The following THSD7B variants were observed in gnomAD, a reference collection of about 807,000 sequenced individuals.
The protein encoded by THSD7B is thrombospondin type 1 domain containing 7B, also known as thrombospondin type-1 domain-containing protein 7B.
Under a neutral mutation model 213.6 loss-of-function variants are expected in THSD7B, and 138 were observed. That is an observed-to-expected ratio of 0.65 (90% CI 0.56 to 0.74). The LOEUF is 0.74. Among genes scored for constraint, THSD7B ranks in the 30% least tolerant of loss-of-function variants. The pLI is 0.00. For synonymous variants in THSD7B, 742 were observed against 687.0 expected, an observed-to-expected ratio of 1.08 and a Z score of -1.25; for missense variants, 1,931 against 1,991.5, an observed-to-expected ratio of 0.97 and a Z score of 0.58.
At chr2:137,308,606 A>AT (rs920827011) in intron 12 of THSD7B, among the ~76,000 whole-genome samples, 3 of 151,988 alleles carry the variant, frequency 2.0e-5, no homozygotes, top group East Asian at 1.9e-4. Context: ...TGTTTATATA[A>AT]TTTTTTTCTG....
intron 12 of THSD7B, among the ~76,000 whole-genome samples, chr2:137,398,194 C>T (rs1686245290): frequency 4.0e-5 from 6 of 150,386 alleles, no homozygotes; most frequent in Admixed American, 4.0e-4. Flanking sequence ...CAGCTTTGTT[C>T]CGTTGCTGGT....
intron 2 of THSD7B, among the ~76,000 whole-genome samples, chr2:137,015,987 AAAAC>A (rs1686332389): frequency 6.6e-6 from 1 of 152,206 alleles, no homozygotes; most frequent in Non-Finnish European, 1.5e-5. Context: ...AGTGAATGGT[AAAAC>A]AGAATAATTC....
intron 3 of THSD7B, among the ~76,000 whole-genome samples, chr2:137,083,692 C>A (rs944005702): frequency 2.0e-5 from 3 of 152,064 alleles, no homozygotes; most frequent in African/African-American, 7.2e-5. Context: ...CATTTCTCTT[C>A]ATTTTTCCAT....
chr2:137,557,974 A>G (rs2105216566), intron 15 of THSD7B, among the ~76,000 whole-genome samples: 1 of 152,344 alleles, frequency 6.6e-6, no homozygotes, highest in East Asian at 1.9e-4. Flanking sequence ...AGAAATGGAT[A>G]AATTCCTGGA....
rs147419647 is a variant in THSD7B, at chr2:137,272,878, G to T, written c.2396+216G>T. 1.5e-3 allele frequency among the ~76,000 whole-genome samples: 227 copies of T among 152,056 alleles called. 2 individuals carry two copies. In the South Asian group the frequency reaches 0.018, roughly 12 times the overall value. ...AATTAACAGGGGGAAAAGGAAGCAC[G>T]TTTGACTGTAAGTGAGCTGCTTGAC... On this transcript the variant is annotated intron_variant, in intron 11 of 27. Coordinates refer to ENST00000409968, the MANE Select transcript of THSD7B (RefSeq NM_001316349.2).
At chr2:137,267,140 A>G (rs2105089080) in intron 10 of THSD7B, among the ~76,000 whole-genome samples, 1 of 152,312 alleles carries the variant, frequency 6.6e-6, no homozygotes, top group Non-Finnish European at 1.5e-5. Context: ...TATGTTTCTT[A>G]ATCTTTAAGT....
intron 21 of THSD7B, among the ~76,000 whole-genome samples, chr2:137,648,686 A>C (rs917336580): frequency 6.6e-6 from 1 of 152,166 alleles, no homozygotes; most frequent in African/African-American, 2.4e-5. Context: ...TGCAATAAAC[A>C]TGGCAGTGCA....
intron 7 of THSD7B, among the ~76,000 whole-genome samples, chr2:137,221,513 A>G (rs1244261553): frequency 6.6e-6 from 1 of 152,224 alleles, no homozygotes; most frequent in Non-Finnish European, 1.5e-5. Context: ...GATGATAAAT[A>G]ATGGAAAAAA....
chr2:137,515,884 G>A (rs1169616609), intron 15 of THSD7B, among the ~76,000 whole-genome samples: 5 of 152,150 alleles, frequency 3.3e-5, no homozygotes, highest in Admixed American at 6.5e-5. Flanking sequence ...ATCGCAGCTG[G>A]GAGAGTCCAG....
chr2:137,238,281 C>T (rs1177264674), intron 9 of THSD7B, among the ~76,000 whole-genome samples: 8 of 152,232 alleles, frequency 5.3e-5, no homozygotes, highest in South Asian at 4.2e-4. Context: ...GTATGGGAAC[C>T]CTTGTGACTC....
At chr2:136,781,267 A>ATT (rs10687137) in intron 1 of THSD7B, among the ~76,000 whole-genome samples, 27,979 of 125,666 alleles carry the variant, frequency 0.22, 3,959 homozygotes, top group South Asian at 0.39. Flanking sequence ...TACCAGTTCT[A>ATT]TTTTTTTTTT....
chr2:137,201,693 C>A (rs1306322926), intron 7 of THSD7B, among the ~76,000 whole-genome samples: 2 of 152,092 alleles, frequency 1.3e-5, no homozygotes, highest in African/African-American at 4.8e-5. Context: ...AAAAGCTGCC[C>A]CACAGTTCTC....
At chr2:137,105,243 C>T (rs1280374585) in intron 4 of THSD7B, among the ~76,000 whole-genome samples, 12 of 152,160 alleles carry the variant, frequency 7.9e-5, no homozygotes, top group African/African-American at 1.2e-4. Context: ...GGATGCAAGG[C>T]GGATTCAACG....
intron 3 of THSD7B, among the ~76,000 whole-genome samples, chr2:137,066,076 A>AT (rs1163211624): frequency 2.0e-5 from 3 of 149,924 alleles, no homozygotes; most frequent in Admixed American, 1.3e-4. Flanking sequence ...CTTTTAATAC[A>AT]TTTTTTTCAA....
chr2:136,862,405 T>A (rs1683269628), intron 1 of THSD7B, among the ~76,000 whole-genome samples: 1 of 152,186 alleles, frequency 6.6e-6, no homozygotes, highest in African/African-American at 2.4e-5. Context: ...CCATTTTGGG[T>A]CCCCTTCTAC....
intron 15 of THSD7B, among the ~76,000 whole-genome samples, chr2:137,464,086 C>T (rs1687939512): frequency 6.6e-6 from 1 of 152,120 alleles, no homozygotes; most frequent in Non-Finnish European, 1.5e-5. Context: ...GCCAGCCGGA[C>T]CCTGAATCTC....
At chr2:136,922,026 G>T (rs974510983) in intron 2 of THSD7B, among the ~76,000 whole-genome samples, 2 of 152,090 alleles carry the variant, frequency 1.3e-5, no homozygotes, top group African/African-American at 4.8e-5. Flanking sequence ...ATTTTCAAGG[G>T]AATAAAAATC....
intron 17 of THSD7B, among the ~76,000 whole-genome samples, chr2:137,604,748 A>C (rs1038906330): frequency 5.9e-5 from 9 of 152,114 alleles, no homozygotes; most frequent in Non-Finnish European, 1.2e-4. Context: ...GTTTCTTTCC[A>C]AGTCTTTTCT....
At chr2:137,466,393 G>A (rs1174994931) in intron 15 of THSD7B, among the ~76,000 whole-genome samples, 2 of 152,182 alleles carry the variant, frequency 1.3e-5, no homozygotes, top group Non-Finnish European at 2.9e-5. Context: ...TCTGGATCAA[G>A]CTTGTCCAAC....
Sources: allele counts gnomAD v4.1 joint callset (sites outside exome capture counted in the v4.1 genomes callset), GRCh38; gene constraint gnomAD v4.1.1; transcripts MANE v1.5; gene names NCBI Gene and HGNC (gene_info 2026-07-23, HGNC 2026-07-21).